The following FANCC variants were observed in gnomAD, a reference collection of about 807,000 sequenced individuals.
FANCC encodes the protein Fanconi anemia group C protein.
FANCC carries 55 observed loss-of-function variants against 71.3 expected under a neutral mutation model. The observed-to-expected ratio is 0.77, with a 90% CI of 0.62 to 0.97. The LOEUF (loss-of-function observed/expected upper bound fraction) is 0.97. FANCC is among the 50% of genes least tolerant of loss of function. The pLI is 0.00. For synonymous variants in FANCC, 275 were observed against 244.9 expected, an observed-to-expected ratio of 1.12 and a Z score of -1.15; for missense variants, 678 against 670.9, an observed-to-expected ratio of 1.01 and a Z score of -0.12.
chr9:95,162,410 T>A (rs1031352886), intron 6 of FANCC, among the ~76,000 whole-genome samples: 6 of 152,232 alleles, frequency 3.9e-5, no homozygotes, highest in African/African-American at 1.4e-4. Context: ...TAATGCTCAA[T>A]GAACATGGGT....
rs537091705 is a variant in FANCC, at chr9:95,168,818, C to T, written c.521+2261G>A. Among the ~76,000 whole-genome samples the T allele has an allele frequency of 4.6e-5, 7 of 152,292 alleles. No individual in the cohort carries two copies. The East Asian group carries it at 7.7e-4, about 17-fold the overall frequency. On this transcript the variant is annotated intron_variant, in intron 6 of 14. Transcript: ENST00000289081. ...TGCTGGGATTAAAGGCATGTGCCACCGCACCTGGCCTAAATTGTGTACTGT... is the reference window on the plus strand; with the variant it reads ...TGCTGGGATTAAAGGCATGTGCCACTGCACCTGGCCTAAATTGTGTACTGT...
chr9:95,222,903 G>A (rs1829372136), intron 4 of FANCC, among the ~76,000 whole-genome samples: 1 of 151,882 alleles, frequency 6.6e-6, no homozygotes, highest in Non-Finnish European at 1.5e-5. Context: ...CATTTCAAAG[G>A]CTATACAAAA....
chr9:95,263,478 A>ATGTG lies in FANCC; in HGVS notation c.-78-14113_-78-14110dup, dbSNP rs144646115. Among the ~76,000 whole-genome samples, 808 of 147,996 alleles carry ATGTG rather than the reference A, an allele frequency of 5.5e-3. 9 individuals are homozygous for ATGTG. Among genetic ancestry groups the ATGTG allele is most frequent in the East Asian group, 0.015 (76 of 5,082 alleles). On this transcript the variant is annotated intron_variant, in intron 1 of 14. Transcript: ENST00000289081. ...CCCAAAGAGTTTTATTTATATATAT[A>ATGTG]TGTGTGTGTGTGTGTATGTATGTGT...
chr9:95,138,716 G>A (rs1828111379), intron 7 of FANCC, among the ~76,000 whole-genome samples: 2 of 152,236 alleles, frequency 1.3e-5, no homozygotes, highest in Non-Finnish European at 2.9e-5. Context: ...CTGCCAGGTG[G>A]TGGTGGGGAA....
intron 4 of FANCC, among the ~76,000 whole-genome samples, chr9:95,181,130 A>G (rs935020751): frequency 8.2e-5 from 12 of 146,500 alleles, no homozygotes; most frequent in African/African-American, 1.3e-4. Context: ...CTCTCTATAT[A>G]TACACATACA....
At chr9:95,195,394 T>C (rs911425429) in intron 4 of FANCC, among the ~76,000 whole-genome samples, 5 of 152,134 alleles carry the variant, frequency 3.3e-5, no homozygotes, top group African/African-American at 1.2e-4. Flanking sequence ...ATTGAATTGC[T>C]TCTGTACCTT....
At chr9:95,280,566 A>T (rs1352123383) in intron 1 of FANCC, among the ~76,000 whole-genome samples, 1 of 152,224 alleles carries the variant, frequency 6.6e-6, no homozygotes, top group Non-Finnish European at 1.5e-5. Flanking sequence ...AATATAACAA[A>T]TGTGCTCTGA....
chr9:95,123,692 G>A (rs755486350), intron 10 of FANCC: 9 of 675,296 alleles, frequency 1.3e-5, no homozygotes, highest in African/African-American at 7.1e-5. Flanking sequence ...TGAAGCGAGC[G>A]TCTTTGATGC....
At position 95,100,732 on chromosome 9, in the gene FANCC, G is replaced by T. The variant is rs1256577919; in HGVS notation, c.*975C>A. 4.4e-6 allele frequency: 1 copy of T among 227,366 alleles called. No homozygotes were observed. Among genetic ancestry groups the T allele is most frequent in the African/African-American group, 2.2e-5 (1 of 45,050 alleles). 14.1% of individuals were successfully genotyped at this position (227,366 alleles called of 1,614,324 possible). A position where few individuals can be genotyped will look rare whatever the true frequency, so the allele number is the denominator to read the frequency against. ...TACAACTCCCACCTCCCGGGTTCAA[G>T]AGATCCTCATGCCTCAGCCTCTTGA... On this transcript the variant is annotated 3_prime_UTR_variant, in exon 15 of 15. Coordinates refer to ENST00000289081, the MANE Select transcript of FANCC (RefSeq NM_000136.3).
At chr9:95,313,336 A>G (rs1054248936) in intron 1 of FANCC, among the ~76,000 whole-genome samples, 3 of 152,286 alleles carry the variant, frequency 2.0e-5, no homozygotes, top group South Asian at 2.1e-4. Flanking sequence ...CCAGTGCTGG[A>G]GAAAGTATGT....
intron 1 of FANCC, among the ~76,000 whole-genome samples, chr9:95,254,650 G>A (rs969777944): frequency 2.5e-4 from 38 of 152,160 alleles, no homozygotes; most frequent in African/African-American, 7.2e-4. Flanking sequence ...AAAACTGGGC[G>A]GCCATTTGGG....
At chr9:95,230,991 G>A (rs951712594) in intron 4 of FANCC, among the ~76,000 whole-genome samples, 13 of 152,262 alleles carry the variant, frequency 8.5e-5, no homozygotes, top group South Asian at 4.1e-4. Flanking sequence ...CGACTGGTGC[G>A]TTTACAATCC....
At chr9:95,219,416 G>A (rs1479285074) in intron 4 of FANCC, among the ~76,000 whole-genome samples, 2 of 152,196 alleles carry the variant, frequency 1.3e-5, no homozygotes, top group Non-Finnish European at 2.9e-5. Flanking sequence ...GCTAACTACT[G>A]AAGGTCTTTC....
chr9:95,289,580 A>G (rs1285619157), intron 1 of FANCC, among the ~76,000 whole-genome samples: 1 of 152,234 alleles, frequency 6.6e-6, no homozygotes, highest in East Asian at 1.9e-4. Context: ...AATTCAAAGC[A>G]TATTAATACA....
intron 6 of FANCC, among the ~76,000 whole-genome samples, chr9:95,163,837 G>A (rs185566716): frequency 5.3e-5 from 8 of 152,212 alleles, no homozygotes; most frequent in Admixed American, 3.3e-4. Context: ...CAACAAGAGC[G>A]AAACTCCATC....
At chr9:95,261,257 G>T (rs974737785) in intron 1 of FANCC, among the ~76,000 whole-genome samples, 1 of 152,010 alleles carries the variant, frequency 6.6e-6, no homozygotes, top group South Asian at 2.1e-4. Context: ...CTTTTTTATC[G>T]CAGGTAATCT....
intron 2 of FANCC, among the ~76,000 whole-genome samples, 185 bp downstream of exon 2, chr9:95,248,942 A>G (rs1381515942): frequency 3.3e-5 from 5 of 152,190 alleles, no homozygotes; most frequent in African/African-American, 1.2e-4. Context: ...CTACTCAAGA[A>G]GAAATTATAA....
chr9:95,284,877 T>TACACACACACAC (rs71366285), intron 1 of FANCC, among the ~76,000 whole-genome samples: 1 of 147,570 alleles, frequency 6.8e-6, no homozygotes, highest in Admixed American at 6.8e-5. Flanking sequence ...CACACACACA[T>TACACACACACAC]ACACACACAC....
At chr9:95,219,059 G>A (rs945752934) in intron 4 of FANCC, among the ~76,000 whole-genome samples, 2 of 152,278 alleles carry the variant, frequency 1.3e-5, no homozygotes, top group Admixed American at 6.5e-5. Flanking sequence ...GTATGTCTGC[G>A]GGCTGCCCAA....
Sources: gnomAD v4.1 joint callset for allele counts (sites outside exome capture counted in the v4.1 genomes callset) on GRCh38, gnomAD v4.1.1 for gene constraint, MANE v1.5 for transcripts, NCBI Gene and HGNC (gene_info 2026-07-23, HGNC 2026-07-21) for gene names.